The following ACMSD variants were observed in gnomAD, a reference collection of about 807,000 sequenced individuals.
The protein encoded by ACMSD is aminocarboxymuconate semialdehyde decarboxylase.
A neutral mutation model predicts 45.9 loss-of-function variants in ACMSD; 37 were observed. That is an observed-to-expected ratio of 0.81 (90% CI 0.62 to 1.06). The LOEUF is 1.06. ACMSD is among the 50% of genes least tolerant of loss of function. The pLI, the probability that ACMSD is intolerant of heterozygous loss-of-function variation, is 0.00. For missense variants in ACMSD, 434 were observed against 420.9 expected (o/e 1.03, Z -0.27); for synonymous variants, 138 against 148.8 (o/e 0.93, Z 0.53).
At chr2:134,891,080 C>G (rs1010791316) in intron 8 of ACMSD, among the ~76,000 whole-genome samples, 2 of 151,942 alleles carry the variant, frequency 1.3e-5, no homozygotes, top group Non-Finnish European at 2.9e-5. Context: ...TCCCATACTG[C>G]AGGTTGTCTT....
intron 2 of ACMSD, among the ~76,000 whole-genome samples, chr2:134,853,369 G>A (rs148314140): frequency 6.6e-6 from 1 of 151,848 alleles, no homozygotes; most frequent in Admixed American, 6.6e-5. Context: ...TATAAGAGGT[G>A]TATTTAAAGT....
At chr2:134,884,249 G>A (rs924658868) in intron 8 of ACMSD, among the ~76,000 whole-genome samples, 1 of 152,162 alleles carries the variant, frequency 6.6e-6, no homozygotes, top group Non-Finnish European at 1.5e-5. Context: ...GTTCTGCAAT[G>A]GGCATCCAAA....
chr2:134,878,980 G>T (rs1438679968), intron 8 of ACMSD, among the ~76,000 whole-genome samples: 1 of 152,170 alleles, frequency 6.6e-6, no homozygotes, highest in East Asian at 1.9e-4. Context: ...TTGTTTGACT[G>T]AATGGCTTTT....
chr2:134,844,361 G>A (rs930263109), intron 1 of ACMSD: 9 of 152,104 alleles, frequency 5.9e-5, no homozygotes, highest in Non-Finnish European at 8.8e-5. Flanking sequence ...TTTCCAAGAA[G>A]CAGACCCTGA....
Position 134,882,710 on chromosome 2 carries a change from T to C in ACMSD, c.849+10069T>C, listed in dbSNP as rs189731185. 5.3e-5 allele frequency among the ~76,000 whole-genome samples: 8 copies of C among 152,338 alleles called. No individual in the cohort carries two copies. In the East Asian group the frequency reaches 1.5e-3, roughly 29 times the overall value. ...TTATGTTATAACAGAGTATGCTGTATTTACTGCAAATGCTACTAATGAGAT... is the reference window on the plus strand; with the variant it reads ...TTATGTTATAACAGAGTATGCTGTACTTACTGCAAATGCTACTAATGAGAT... On this transcript the variant is annotated intron_variant, in intron 8 of 9. Coordinates refer to ENST00000356140, the MANE Select transcript of ACMSD (RefSeq NM_138326.3).
intron 1 of ACMSD, among the ~76,000 whole-genome samples, chr2:134,840,955 T>C (rs1406420156): frequency 6.6e-6 from 1 of 152,150 alleles, no homozygotes; most frequent in Non-Finnish European, 1.5e-5. Context: ...ATCGTGTCAT[T>C]CTTATGCCTT....
At chr2:134,883,564 C>T (rs148082732) in intron 8 of ACMSD, among the ~76,000 whole-genome samples, 2 of 152,066 alleles carry the variant, frequency 1.3e-5, no homozygotes, top group East Asian at 1.9e-4. Flanking sequence ...TACAATGGTG[C>T]GATCATAGCT....
At chr2:134,885,306 A>AATAT (rs1162504899) in intron 8 of ACMSD, among the ~76,000 whole-genome samples, 34 of 75,378 alleles carry the variant, frequency 4.5e-4, no homozygotes, top group Middle Eastern at 7.6e-3. Flanking sequence ...TATATATTTA[A>AATAT]ATATATATAT....
chr2:134,856,533 C>T (rs760250100), intron 2 of ACMSD, among the ~76,000 whole-genome samples: 1 of 152,180 alleles, frequency 6.6e-6, no homozygotes, highest in Non-Finnish European at 1.5e-5. Flanking sequence ...TTTTTGATAA[C>T]AGCCATCCTA....
At chr2:134,869,820 C>T (rs1688331909) in intron 6 of ACMSD, among the ~76,000 whole-genome samples, 1 of 152,014 alleles carries the variant, frequency 6.6e-6, no homozygotes, top group Admixed American at 6.6e-5. Context: ...GTGTCATGAT[C>T]CAATTCACAT....
At chr2:134,889,448 A>G (rs542478082) in intron 8 of ACMSD, among the ~76,000 whole-genome samples, 7 of 152,170 alleles carry the variant, frequency 4.6e-5, no homozygotes, top group Non-Finnish European at 1.0e-4. Flanking sequence ...CCTGAAAGTA[A>G]GGAAGTACGG....
Position 134,872,626 on chromosome 2 carries a change from A to C in ACMSD, c.834A>C (p.Thr278=). The C allele has an allele frequency of 6.2e-7, 1 of 1,614,216 alleles. No individual in the cohort carries two copies. Among genetic ancestry groups the C allele is most frequent in the African/African-American group, 1.3e-5 (1 of 75,052 alleles). Residue 278 remains threonine (T), a synonymous_variant, in exon 8 of 10, where the codon ACA becomes ACC. Coordinates refer to ENST00000356140, the MANE Select transcript of ACMSD (RefSeq NM_138326.3). ...ATCCTCTGTCCCTCAAGCTGTTAAC[A>C]GATGTCATAGGAAAGGTAAGCCCAG... ...VHDPLSLKLL[T]DVIGKDKVIL... is the part of the protein sequence containing the mutation.
intron 8 of ACMSD, among the ~76,000 whole-genome samples, chr2:134,895,688 C>T (rs1252826906): frequency 6.6e-6 from 1 of 152,156 alleles, no homozygotes; most frequent in Non-Finnish European, 1.5e-5. Context: ...TGGCAAAACC[C>T]TGTCTCTACT....
intron 9 of ACMSD, 53 bp downstream of exon 9, chr2:134,898,492 GGGTTT>G (rs1690311799): frequency 1.5e-6 from 2 of 1,363,102 alleles, no homozygotes; most frequent in Admixed American, 2.5e-5. Context: ...TGCTCTAATT[GGGTTT>G]GGTTTCAGAG....
intron 2 of ACMSD, among the ~76,000 whole-genome samples, chr2:134,845,508 G>GTTCT (rs1339823151): frequency 5.4e-4 from 44 of 81,014 alleles, no homozygotes; most frequent in Admixed American, 2.1e-3. Context: ...CACATTAAAA[G>GTTCT]GTCTCTCTCT....
At chr2:134,843,580 A>C (rs1341685383) in intron 1 of ACMSD, among the ~76,000 whole-genome samples, 2 of 152,142 alleles carry the variant, frequency 1.3e-5, no homozygotes, top group African/African-American at 4.8e-5. Flanking sequence ...GACTCCCTAC[A>C]GACAACTTCC....
intron 3 of ACMSD, among the ~76,000 whole-genome samples, chr2:134,861,581 G>C (rs886279184): frequency 6.6e-6 from 1 of 152,158 alleles, no homozygotes; most frequent in African/African-American, 2.4e-5. Context: ...CAGATCATGG[G>C]ACTCCTTCTA....
At chr2:134,886,586 T>C (rs1178630215) in intron 8 of ACMSD, among the ~76,000 whole-genome samples, 1 of 151,956 alleles carries the variant, frequency 6.6e-6, no homozygotes, top group Non-Finnish European at 1.5e-5. Flanking sequence ...CAACTAAGAA[T>C]AGAAAAGAAC....
At chr2:134,843,405 G>A (rs1368676605) in intron 1 of ACMSD, among the ~76,000 whole-genome samples, 1 of 152,184 alleles carries the variant, frequency 6.6e-6, no homozygotes, top group East Asian at 1.9e-4. Flanking sequence ...ATACCTGGGT[G>A]GAATAAGACT....
Sources: allele counts gnomAD v4.1 joint callset (sites outside exome capture counted in the v4.1 genomes callset), GRCh38; gene constraint gnomAD v4.1.1; transcripts MANE v1.5; gene names NCBI Gene and HGNC (gene_info 2026-07-23, HGNC 2026-07-21).